Variants in THRB observed in about 807,000 individuals in gnomAD.
THRB encodes the protein thyroid hormone receptor beta.
In THRB, 12 loss-of-function variants were observed where a neutral mutation model predicts 47.8. The ratio of observed to expected loss-of-function variants is 0.25; its 90% confidence interval spans 0.16 to 0.41. The LOEUF (loss-of-function observed/expected upper bound fraction) is 0.41. THRB is among the 10% of genes least tolerant of loss of function. The pLI, the probability that THRB is intolerant of heterozygous loss-of-function variation, is 1.00. For missense variants in THRB, 348 were observed against 589.2 expected (o/e 0.59, Z 4.24); for synonymous variants, 218 against 212.2 (o/e 1.03, Z -0.24).
intron 3 of THRB, among the ~76,000 whole-genome samples, chr3:24,238,290 G>A (rs75981189): frequency 4.0e-5 from 5 of 123,854 alleles, no homozygotes; most frequent in Non-Finnish European, 6.9e-5. Context: ...GGGGGGGGGG[G>A]GGTGTGTGGG....
At chr3:24,264,422 T>G (rs1232676389) in intron 3 of THRB, among the ~76,000 whole-genome samples, 1 of 152,160 alleles carries the variant, frequency 6.6e-6, no homozygotes, top group Non-Finnish European at 1.5e-5. Context: ...CCTGAAAAGT[T>G]GCAGACAAAG....
At chr3:24,292,539 G>C (rs1261623390) in intron 3 of THRB, among the ~76,000 whole-genome samples, 1 of 152,134 alleles carries the variant, frequency 6.6e-6, no homozygotes, top group Non-Finnish European at 1.5e-5. Context: ...TCTCCACTGT[G>C]TGCATCACCT....
At position 24,142,210 on chromosome 3, in the gene THRB, G is replaced by A. The variant is rs76053279; in HGVS notation, c.738+1291C>T. 9.3e-3 allele frequency among the ~76,000 whole-genome samples: 1,409 copies of A among 152,294 alleles called. 23 individuals carry two copies. Among genetic ancestry groups the A allele is most frequent in the African/African-American group, 0.032 (1,311 of 41,558 alleles). On this transcript the variant is annotated intron_variant, in intron 8 of 10. Transcript: ENST00000646209. ...CTTCTGTGTCTTACTTCTCTCTTCTGTAAAATGGAGATATTAACCACATCT... is the reference window on the plus strand; with the variant it reads ...CTTCTGTGTCTTACTTCTCTCTTCTATAAAATGGAGATATTAACCACATCT...
In THRB at chr3:24,479,385, A is replaced by G. The variant is rs567039258; in HGVS notation, c.-261+15267T>C. Among the ~76,000 whole-genome samples the G allele has an allele frequency of 2.0e-5, 3 of 152,322 alleles. No individual in the cohort carries two copies. The South Asian group carries it at 6.2e-4, about 32-fold the overall frequency. ...GCAGCCCCTCCGACCCCAACAAATTATGTGCTCTAAAATGTCAACAAGTCT... is the reference window on the plus strand; with the variant it reads ...GCAGCCCCTCCGACCCCAACAAATTGTGTGCTCTAAAATGTCAACAAGTCT... On this transcript the variant is annotated intron_variant, in intron 1 of 10. Coordinates refer to ENST00000646209, the MANE Select transcript of THRB (RefSeq NM_001354712.2).
chr3:24,364,511 TC>T (rs1560025983), intron 1 of THRB, among the ~76,000 whole-genome samples: 1 of 152,152 alleles, frequency 6.6e-6, no homozygotes, highest in African/African-American at 2.4e-5. Flanking sequence ...GGTGTTGTCA[TC>T]CCCATTTTAC....
At chr3:24,176,641 G>A (rs555296322) in intron 5 of THRB, among the ~76,000 whole-genome samples, 1 of 152,234 alleles carries the variant, frequency 6.6e-6, no homozygotes, top group African/African-American at 2.4e-5. Flanking sequence ...ACTGATACAT[G>A]CTACATTGTG....
intron 3 of THRB, among the ~76,000 whole-genome samples, chr3:24,250,143 A>G (rs754155177): frequency 2.0e-5 from 3 of 152,226 alleles, no homozygotes; most frequent in Non-Finnish European, 4.4e-5. Flanking sequence ...AAGATCAAGC[A>G]CATATATCCT....
intron 2 of THRB, among the ~76,000 whole-genome samples, chr3:24,305,954 C>T (rs1373149105): frequency 6.6e-6 from 1 of 152,142 alleles, no homozygotes; most frequent in Non-Finnish European, 1.5e-5. Flanking sequence ...AGTCTATCTC[C>T]TCCCCCAATG....
At chr3:24,228,632 CAAAG>C (rs1559667171) in intron 4 of THRB, among the ~76,000 whole-genome samples, 4 of 59,192 alleles carry the variant, frequency 6.8e-5, no homozygotes, top group Non-Finnish European at 3.3e-5. Flanking sequence ...GACCATGTCT[CAAAG>C]AAAAAAAAAA....
Position 24,484,327 on chromosome 3 carries a change from T to A in THRB, c.-261+10325A>T, listed in dbSNP as rs147196876. 2.0e-5 allele frequency among the ~76,000 whole-genome samples: 3 copies of A among 152,304 alleles called. No individual in the cohort carries two copies. The South Asian group carries it at 6.2e-4, about 32-fold the overall frequency. ...TGATAGAATCCCAGAGTTTTAACTC[T>A]AGAGTCCTGTCATCAAATTACAGTA... is the stretch of plus-strand genomic sequence containing the variant. On this transcript the variant is annotated intron_variant, in intron 1 of 10. Transcript: ENST00000646209.
intron 1 of THRB, among the ~76,000 whole-genome samples, chr3:24,487,626 G>C (rs1333567948): frequency 1.3e-5 from 2 of 152,270 alleles, no homozygotes; most frequent in East Asian, 1.9e-4. Context: ...AGGGTTTGTG[G>C]CTTGGGACAT....
chr3:24,398,736 C>A (rs906070884), intron 1 of THRB, among the ~76,000 whole-genome samples: 4 of 152,056 alleles, frequency 2.6e-5, no homozygotes, highest in Non-Finnish European at 5.9e-5. Context: ...GGGTATATAC[C>A]CAAAGGATTA....
chr3:24,336,969 G>C (rs2062302879), intron 2 of THRB, among the ~76,000 whole-genome samples: 1 of 151,996 alleles, frequency 6.6e-6, no homozygotes, highest in Admixed American at 6.6e-5. Flanking sequence ...TGATCCGCCT[G>C]CCTTTTTAGC....
chr3:24,464,982 A>G (rs2074016534), intron 1 of THRB, among the ~76,000 whole-genome samples: 1 of 152,142 alleles, frequency 6.6e-6, no homozygotes, highest in Admixed American at 6.5e-5. Context: ...TATTTTACAA[A>G]CAGTACTTAT....
chr3:24,306,501 T>C (rs1279378016), intron 2 of THRB, among the ~76,000 whole-genome samples: 1 of 152,182 alleles, frequency 6.6e-6, no homozygotes, highest in African/African-American at 2.4e-5. Flanking sequence ...AAGGGAAAAA[T>C]TATCCCAAAG....
chr3:24,393,364 TTG>T, intron 1 of THRB, among the ~76,000 whole-genome samples: 1 of 152,154 alleles, frequency 6.6e-6, no homozygotes, highest in Non-Finnish European at 1.5e-5. Context: ...CACACTCGTC[TTG>T]CTCAAAGCCT....
At chr3:24,347,235 C>T (rs1335364397) in intron 1 of THRB, among the ~76,000 whole-genome samples, 1 of 151,838 alleles carries the variant, frequency 6.6e-6, no homozygotes. Context: ...TGAGATGCAG[C>T]TAAAGGTGTG....
intron 1 of THRB, among the ~76,000 whole-genome samples, chr3:24,433,079 T>C (rs1688032349): frequency 1.3e-5 from 2 of 152,142 alleles, no homozygotes; most frequent in South Asian, 4.1e-4. Context: ...AATGAATGAC[T>C]CTGCTTCTCA....
At chr3:24,176,705 C>T (rs1488867110) in intron 5 of THRB, among the ~76,000 whole-genome samples, 5 of 152,224 alleles carry the variant, frequency 3.3e-5, no homozygotes, top group East Asian at 1.9e-4. Context: ...TACAAGACCA[C>T]GTATTGTAGC....
Sources: allele counts gnomAD v4.1 joint callset (sites outside exome capture counted in the v4.1 genomes callset), GRCh38; gene constraint gnomAD v4.1.1; transcripts MANE v1.5; gene names NCBI Gene and HGNC (gene_info 2026-07-23, HGNC 2026-07-21).